The following ARHGAP26 variants were observed in gnomAD, a reference collection of about 807,000 sequenced individuals.
The protein encoded by ARHGAP26 is Rho GTPase activating protein 26, also known as rho GTPase-activating protein 26.
A neutral mutation model predicts 104.8 loss-of-function variants in ARHGAP26; 38 were observed. The ratio of observed to expected loss-of-function variants is 0.36; its 90% CI spans 0.28 to 0.48. The LOEUF (loss-of-function observed/expected upper bound fraction) is 0.48. Among genes scored for constraint, ARHGAP26 ranks in the 20% least tolerant of loss-of-function variants. The probability of loss-of-function intolerance (pLI) is 0.99; values close to 1 mark genes in which losing one functional copy is unlikely to be tolerated. For synonymous variants in ARHGAP26, 341 were observed against 340.0 expected (o/e 1.00, Z -0.03); for missense variants, 704 against 947.9 (o/e 0.74, Z 3.38).
chr5:143,179,278 A>G (rs1295368410), intron 20 of ARHGAP26, among the ~76,000 whole-genome samples: 1 of 152,192 alleles, frequency 6.6e-6, no homozygotes, highest in Non-Finnish European at 1.5e-5. Context: ...ATTCCTCTTC[A>G]GCATCTAGTA....
intron 10 of ARHGAP26, among the ~76,000 whole-genome samples, chr5:142,929,180 G>A (rs189674319): frequency 2.4e-4 from 37 of 152,188 alleles, no homozygotes; most frequent in Admixed American, 4.6e-4. Flanking sequence ...CTCATGGTCC[G>A]CCCACCTCGG....
rs17650523 is a variant in ARHGAP26 at position 143,031,555 on chromosome 5, C to A, written c.1145-5641C>A. ...TACTTGTGATTTTGTTATAATTTTCCGACCACCTACACACCTCTTTTTTTT... is the reference window on the plus strand; with the variant it reads ...TACTTGTGATTTTGTTATAATTTTCAGACCACCTACACACCTCTTTTTTTT... On this transcript the variant is annotated intron_variant, in intron 12 of 22. Transcript: ENST00000645722. Among the ~76,000 whole-genome samples, 311 of 150,342 alleles carry A rather than the reference C, an allele frequency of 2.1e-3. 4 individuals carry two copies. In the East Asian group the frequency reaches 0.042, roughly 20 times the overall value.
intron 11 of ARHGAP26, among the ~76,000 whole-genome samples, chr5:142,995,783 C>T (rs1427854712): frequency 1.3e-5 from 2 of 152,114 alleles, no homozygotes; most frequent in African/African-American, 2.4e-5. Context: ...CAATGATAGA[C>T]TGGATGAAGA....
rs779708420 is a variant in ARHGAP26, at chr5:143,134,132, G to A, written c.1837+27G>A. The A allele has an allele frequency of 9.4e-6, 15 of 1,589,794 alleles. No individual in the cohort carries two copies. In the East Asian group the frequency reaches 1.8e-4, roughly 19 times the overall value. On this transcript the variant is annotated intron_variant, in intron 19 of 22. Transcript: ENST00000645722. Reference sequence around the variant, plus strand: ...TGAGTCTTTGCTGCATAGGGCCAGCGTGGCATTCAGGGACATCCCATGCTA... The same window carrying A: ...TGAGTCTTTGCTGCATAGGGCCAGCATGGCATTCAGGGACATCCCATGCTA...
At chr5:142,792,133 G>A (rs1303696430) in intron 1 of ARHGAP26, among the ~76,000 whole-genome samples, 1 of 152,086 alleles carries the variant, frequency 6.6e-6, no homozygotes, top group African/African-American at 2.4e-5. Context: ...TGCTGACAGC[G>A]TTTCTGTGTT....
chr5:143,112,280 G>A (rs1416746079), intron 17 of ARHGAP26, among the ~76,000 whole-genome samples: 1 of 152,172 alleles, frequency 6.6e-6, no homozygotes, highest in East Asian at 1.9e-4. Context: ...TCAAGAGGGA[G>A]AGGGGCTACA....
chr5:142,864,856 A>C (rs530323625), intron 1 of ARHGAP26, among the ~76,000 whole-genome samples: 3 of 152,210 alleles, frequency 2.0e-5, no homozygotes, highest in Non-Finnish European at 4.4e-5. Context: ...CACAGCTGGG[A>C]AGTGAGAGAC....
chr5:142,847,209 G>A (rs1703759163), intron 1 of ARHGAP26, among the ~76,000 whole-genome samples: 1 of 152,188 alleles, frequency 6.6e-6, no homozygotes, highest in Non-Finnish European at 1.5e-5. Context: ...GCATTTCTCT[G>A]ATACACAGTA....
At chr5:143,133,823 A>G (rs1328509969) in intron 18 of ARHGAP26, 144 bp from the exon 19 acceptor site, 1 of 704,266 alleles carries the variant, frequency 1.4e-6, no homozygotes, top group Non-Finnish European at 2.2e-6. Flanking sequence ...TTTAAAATGA[A>G]GTCTTGAACA....
At chr5:143,205,319 A>G (rs569667078) in intron 20 of ARHGAP26, among the ~76,000 whole-genome samples, 1 of 152,264 alleles carries the variant, frequency 6.6e-6, no homozygotes, top group African/African-American at 2.4e-5. Flanking sequence ...TTTTTGCTGG[A>G]TTAAGAAAAA....
At chr5:142,796,054 C>CTGTG (rs71890315) in intron 1 of ARHGAP26, among the ~76,000 whole-genome samples, 11,014 of 144,066 alleles carry the variant, frequency 0.076, 572 homozygotes, top group African/African-American at 0.14. Context: ...AGGTGTTTTT[C>CTGTG]TGTGTGTGTG....
Position 142,770,576 on chromosome 5 carries a change from G to A in ARHGAP26, c.-186G>A, listed in dbSNP as rs897999906. The A allele has an allele frequency of 3.9e-6, 1 of 255,834 alleles. No individual in the cohort carries two copies. The highest frequency in any genetic ancestry group is 6.6e-6 in the Non-Finnish European group (1 of 151,568). 15.8% of individuals were successfully genotyped at this position (255,834 alleles called of 1,614,324 possible). On this transcript the variant is annotated 5_prime_UTR_variant, in exon 1 of 23. Coordinates refer to ENST00000645722, the MANE Select transcript of ARHGAP26 (RefSeq NM_001135608.3). The stretch of plus-strand genomic sequence containing the variant: ...GCCCGGAACAGCAGCACCTCGGCCG[G>A]GTCCGAGCTCGGTTCGGGAGTCTTG...
chr5:143,041,822 A>G lies in ARHGAP26; in HGVS notation c.1217A>G (p.Asn406Ser), dbSNP rs1240493049. The change falls in exon 14 of 23, where the codon AAC (asparagine) becomes AGC (serine). Residue 406 changes from asparagine to serine, a missense_variant. Coordinates refer to ENST00000645722, the MANE Select transcript of ARHGAP26 (RefSeq NM_001135608.3). ...TCACTGTTTCTTTCCTCAGGGATCA[A>G]CGAGCAAGGGCTGTATCGAATTGTG... ...CIHAVETRGI[N>S]EQGLYRIVGV... 1 of 1,607,144 alleles carries G rather than the reference A, an allele frequency of 6.2e-7. No homozygotes were observed. Among genetic ancestry groups the G allele is most frequent in the Non-Finnish European group, 8.5e-7 (1 of 1,176,494 alleles).
chr5:142,900,607 G>A (rs2152450184), intron 6 of ARHGAP26, among the ~76,000 whole-genome samples: 1 of 151,860 alleles, frequency 6.6e-6, no homozygotes, highest in Non-Finnish European at 1.5e-5. Context: ...GGGAGAGTAG[G>A]GGGAGGGGGG....
At chr5:142,785,132 G>A (rs922304140) in intron 1 of ARHGAP26, among the ~76,000 whole-genome samples, 2 of 151,924 alleles carry the variant, frequency 1.3e-5, no homozygotes, top group African/African-American at 4.8e-5. Context: ...GGGTTTCACT[G>A]TGTTAGCCAG....
intron 19 of ARHGAP26, among the ~76,000 whole-genome samples, chr5:143,136,567 C>G (rs981859982): frequency 6.6e-6 from 1 of 152,140 alleles, no homozygotes; most frequent in African/African-American, 2.4e-5. Flanking sequence ...TTTAGAGACC[C>G]CTTTTTTTCT....
chr5:142,989,939 C>T (rs780087667), intron 11 of ARHGAP26, among the ~76,000 whole-genome samples: 51 of 151,216 alleles, frequency 3.4e-4, no homozygotes, highest in Non-Finnish European at 6.0e-4. Flanking sequence ...GTCTTGGAGT[C>T]GCTTTTCTCG....
intron 12 of ARHGAP26, among the ~76,000 whole-genome samples, chr5:143,021,649 T>C (rs1780352838): frequency 6.6e-6 from 1 of 152,146 alleles, no homozygotes; most frequent in Admixed American, 6.5e-5. Flanking sequence ...TCCTCTTCTG[T>C]AAAATGGGGA....
At chr5:143,116,298 G>GGGAT (rs1795431042) in intron 17 of ARHGAP26, among the ~76,000 whole-genome samples, 1 of 152,210 alleles carries the variant, frequency 6.6e-6, no homozygotes, top group South Asian at 2.1e-4. Context: ...AAACAAGGAA[G>GGGAT]GGATGGTGGA....
Sources: gnomAD v4.1 joint callset for allele counts (sites outside exome capture counted in the v4.1 genomes callset) on GRCh38, gnomAD v4.1.1 for gene constraint, MANE v1.5 for transcripts, NCBI Gene and HGNC (gene_info 2026-07-23, HGNC 2026-07-21) for gene names.